Variants in SUPT3H observed in about 807,000 individuals in gnomAD.
SUPT3H encodes SPT3 homolog, SAGA and STAGA complex component, also known as transcription initiation protein SPT3 homolog.
SUPT3H carries 44 observed loss-of-function variants against 44.3 expected under a neutral mutation model. The ratio of observed to expected loss-of-function variants is 0.99; its 90% CI spans 0.78 to 1.28. The LOEUF is 1.28. SUPT3H is among the 50% of genes most tolerant of loss of function. SUPT3H has a pLI of 0.00. For missense variants in SUPT3H, 380 were observed against 387.1 expected, an observed-to-expected ratio of 0.98 and a Z score of 0.15; for synonymous variants, 124 against 125.6, an observed-to-expected ratio of 0.99 and a Z score of 0.09.
intron 2 of SUPT3H, among the ~76,000 whole-genome samples, chr6:45,207,743 C>T (rs570354952): frequency 3.1e-4 from 47 of 152,238 alleles, no homozygotes; most frequent in African/African-American, 1.1e-3. Context: ...CACCAAGAAC[C>T]AGGCCCATAT....
chr6:44,923,952 G>A (rs1457511922), intron 10 of SUPT3H, among the ~76,000 whole-genome samples: 1 of 152,056 alleles, frequency 6.6e-6, no homozygotes, highest in Non-Finnish European at 1.5e-5. Context: ...AATAGACGAA[G>A]CAAAATAAAT....
intron 2 of SUPT3H, among the ~76,000 whole-genome samples, chr6:45,226,113 C>T (rs941818728): frequency 6.6e-6 from 1 of 152,110 alleles, no homozygotes; most frequent in Admixed American, 6.5e-5. Context: ...TTACATTTAT[C>T]AGTGAATTTA....
chr6:44,819,998 G>A (rs965233182), intron 11 of SUPT3H, among the ~76,000 whole-genome samples: 2 of 152,004 alleles, frequency 1.3e-5, no homozygotes, highest in African/African-American at 2.4e-5. Flanking sequence ...CAAGGTGGGC[G>A]GATCACTTGA....
chr6:45,319,747 T>C (rs1271557128), intron 2 of SUPT3H, among the ~76,000 whole-genome samples: 1 of 152,104 alleles, frequency 6.6e-6, no homozygotes, highest in Non-Finnish European at 1.5e-5. Flanking sequence ...CAAATATAAC[T>C]AGTTACTTTT....
chr6:44,907,210 C>G (rs1270221424), intron 10 of SUPT3H, among the ~76,000 whole-genome samples: 1 of 152,144 alleles, frequency 6.6e-6, no homozygotes, highest in Non-Finnish European at 1.5e-5. Flanking sequence ...TGTTTATTTT[C>G]ACTATATTTA....
At chr6:45,300,857 T>C (rs116003996) in intron 2 of SUPT3H, among the ~76,000 whole-genome samples, 2,666 of 151,916 alleles carry the variant, frequency 0.018, 50 homozygotes, top group South Asian at 0.085. Context: ...GTGCACATGA[T>C]TGAGGAACTG....
chr6:44,885,839 A>T (rs1369875778), intron 10 of SUPT3H, among the ~76,000 whole-genome samples: 1 of 152,132 alleles, frequency 6.6e-6, no homozygotes, highest in African/African-American at 2.4e-5. Context: ...GGAAATTCAA[A>T]CCAAAGGCAA....
intron 2 of SUPT3H, among the ~76,000 whole-genome samples, chr6:45,180,262 G>A (rs1267552520): frequency 6.9e-6 from 1 of 145,088 alleles, no homozygotes; most frequent in Non-Finnish European, 1.5e-5. Flanking sequence ...TGGGTAGGAA[G>A]AATCAATATC....
intron 2 of SUPT3H, among the ~76,000 whole-genome samples, chr6:45,338,880 A>T (rs559091439): frequency 6.6e-6 from 1 of 152,216 alleles, no homozygotes; most frequent in Non-Finnish European, 1.5e-5. Context: ...AGCCTCCTTA[A>T]ATTTTGTGCC....
At chr6:45,354,312 G>A (rs1792681756) in intron 2 of SUPT3H, among the ~76,000 whole-genome samples, 1 of 152,058 alleles carries the variant, frequency 6.6e-6, no homozygotes, top group African/African-American at 2.4e-5. Flanking sequence ...TGATAACATA[G>A]TTGTTCACAA....
intron 2 of SUPT3H, chr6:45,322,794 G>C: frequency 1.0e-6 from 1 of 956,334 alleles, no homozygotes; most frequent in Non-Finnish European, 1.7e-6. Context: ...GTGTGGTCTC[G>C]CCCATATATT....
chr6:45,188,261 G>A (rs1233384908), intron 2 of SUPT3H, among the ~76,000 whole-genome samples: 2 of 152,206 alleles, frequency 1.3e-5, no homozygotes, highest in East Asian at 3.8e-4. Context: ...AAGACTTCTT[G>A]ATTTAACAAG....
intron 10 of SUPT3H, among the ~76,000 whole-genome samples, chr6:44,891,871 T>C (rs1763370953): frequency 6.6e-6 from 1 of 152,058 alleles, no homozygotes; most frequent in South Asian, 2.1e-4. Context: ...AAATATTAAC[T>C]GTCGATATAG....
intron 2 of SUPT3H, among the ~76,000 whole-genome samples, chr6:45,209,903 C>T (rs567820288): frequency 6.6e-6 from 1 of 152,260 alleles, no homozygotes; most frequent in South Asian, 2.1e-4. Context: ...CAGCTGTCAA[C>T]ATCAAGGCAA....
intron 2 of SUPT3H, among the ~76,000 whole-genome samples, chr6:45,132,195 C>T (rs146372707): frequency 6.6e-6 from 1 of 152,270 alleles, no homozygotes; most frequent in East Asian, 1.9e-4. Context: ...GCTCCTGGCA[C>T]TGGCAATTCC....
intron 3 of SUPT3H, among the ~76,000 whole-genome samples, chr6:45,103,430 TA>T (rs1432341049): frequency 6.6e-6 from 1 of 152,082 alleles, no homozygotes; most frequent in Non-Finnish European, 1.5e-5. Context: ...AAATAGAATA[TA>T]AAAGTATGTA....
intron 2 of SUPT3H, among the ~76,000 whole-genome samples, chr6:45,295,023 A>G (rs1419928321): frequency 6.6e-6 from 1 of 152,134 alleles, no homozygotes; most frequent in Non-Finnish European, 1.5e-5. Context: ...GGAAGCAAAA[A>G]AGAGCCCACA....
intron 2 of SUPT3H, among the ~76,000 whole-genome samples, chr6:45,211,587 G>C (rs1005013444): frequency 6.6e-6 from 1 of 151,934 alleles, no homozygotes; most frequent in Admixed American, 6.6e-5. Context: ...GTGGTGGCTC[G>C]CACCTGTAAT....
intron 3 of SUPT3H, among the ~76,000 whole-genome samples, chr6:45,079,515 A>C (rs1321777392): frequency 6.6e-6 from 1 of 151,976 alleles, no homozygotes; most frequent in African/African-American, 2.4e-5. Context: ...GAAGGAAAAA[A>C]ACCTAGAAGA....
Sources: allele counts gnomAD v4.1 joint callset (sites outside exome capture counted in the v4.1 genomes callset), GRCh38; gene constraint gnomAD v4.1.1; transcripts MANE v1.5; gene names NCBI Gene and HGNC (gene_info 2026-07-23, HGNC 2026-07-21).